FGF12: variants seen among roughly 807,000 people sequenced by gnomAD.
FGF12 encodes the protein fibroblast growth factor 12.
Under a neutral mutation model 23.6 loss-of-function variants are expected in FGF12, and 14 were observed. That is an observed-to-expected ratio of 0.59 (90% CI 0.39 to 0.93). FGF12 has a LOEUF of 0.93. Among genes scored for constraint, FGF12 ranks in the 40% least tolerant of loss-of-function variants. The pLI is 0.00. For synonymous variants in FGF12, 62 were observed against 77.3 expected (o/e 0.80, Z 1.04); for missense variants, 175 against 217.8 (o/e 0.80, Z 1.24).
intron 5 of FGF12, among the ~76,000 whole-genome samples, chr3:192,146,053 A>G (rs961571703): frequency 9.2e-5 from 14 of 152,226 alleles, no homozygotes; most frequent in Admixed American, 9.2e-4. Context: ...CTGGAACACT[A>G]TTCATATGAT....
intron 2 of FGF12, among the ~76,000 whole-genome samples, chr3:192,389,533 C>T (rs1720204836): frequency 2.0e-5 from 3 of 152,108 alleles, no homozygotes; most frequent in Admixed American, 1.3e-4. Flanking sequence ...ACTAAACATT[C>T]CTAATCTTTA....
intron 2 of FGF12, among the ~76,000 whole-genome samples, chr3:192,389,430 CAAGGGGAAAGTTGGGA>C (rs1364683700): frequency 2.6e-5 from 4 of 152,210 alleles, no homozygotes; most frequent in Non-Finnish European, 5.9e-5. Context: ...AACACTTCCT[CAAGGGGAAAGTTGGGA>C]ACAGCATACG....
intron 2 of FGF12, among the ~76,000 whole-genome samples, chr3:192,416,330 A>C (rs2692700): frequency 0.43 from 65,074 of 151,922 alleles, 14,078 homozygotes; most frequent in East Asian, 0.6. Flanking sequence ...GTAAAATGTT[A>C]AGTACAAAGA....
At chr3:192,717,422 CT>C (rs1718899281) in intron 2 of FGF12, among the ~76,000 whole-genome samples, 1 of 152,154 alleles carries the variant, frequency 6.6e-6, no homozygotes, top group Non-Finnish European at 1.5e-5. Flanking sequence ...ATAGTAAAAG[CT>C]GCAAAAGCAT....
intron 2 of FGF12, among the ~76,000 whole-genome samples, chr3:192,438,003 A>G (rs1722080575): frequency 6.6e-6 from 1 of 152,188 alleles, no homozygotes; most frequent in Non-Finnish European, 1.5e-5. Flanking sequence ...TCCTTTCTAT[A>G]GTGATGAATC....
chr3:192,161,833 A>C (rs1714900288), intron 5 of FGF12, among the ~76,000 whole-genome samples: 1 of 152,134 alleles, frequency 6.6e-6, no homozygotes, highest in Admixed American at 6.6e-5. Flanking sequence ...TATTCTTGAC[A>C]GATCCTTTGA....
intron 5 of FGF12, among the ~76,000 whole-genome samples, chr3:192,148,403 C>G (rs1713846093): frequency 6.6e-6 from 1 of 152,102 alleles, no homozygotes. Context: ...CCAGAGTAGT[C>G]AAGTTCACAG....
At chr3:192,547,419 A>T (rs181827272) in intron 2 of FGF12, among the ~76,000 whole-genome samples, 2 of 152,336 alleles carry the variant, frequency 1.3e-5, no homozygotes, top group East Asian at 3.9e-4. Flanking sequence ...TTCTTTATAG[A>T]GTCTCTGCTT....
chr3:192,321,468 C>T (rs79721246), intron 4 of FGF12, among the ~76,000 whole-genome samples: 2,066 of 148,688 alleles, frequency 0.014, 47 homozygotes, highest in African/African-American at 0.047. Context: ...AGTACTACCC[C>T]TGATACCAAA....
intron 2 of FGF12, among the ~76,000 whole-genome samples, chr3:192,385,193 G>A (rs990247708): frequency 6.6e-6 from 1 of 152,054 alleles, no homozygotes; most frequent in Non-Finnish European, 1.5e-5. Context: ...ATCTCTTAAT[G>A]TGGAGTTCTG....
chr3:192,426,042 T>C (rs750349594), intron 2 of FGF12, among the ~76,000 whole-genome samples: 1 of 152,226 alleles, frequency 6.6e-6, no homozygotes, highest in Non-Finnish European at 1.5e-5. Context: ...CAAATGTTAT[T>C]GAAAAGTTAT....
chr3:192,601,961 A>G (rs34681191), intron 2 of FGF12, among the ~76,000 whole-genome samples: 23,141 of 152,156 alleles, frequency 0.15, 1,787 homozygotes, highest in Middle Eastern at 0.19. Flanking sequence ...GAATCCACAG[A>G]TGTAGCACCC....
chr3:192,724,279 T>G (rs1719140569), intron 2 of FGF12, among the ~76,000 whole-genome samples: 1 of 152,158 alleles, frequency 6.6e-6, no homozygotes, highest in African/African-American at 2.4e-5. Context: ...TCTAAAAAAT[T>G]TGTCTGCAAA....
At chr3:192,150,493 T>C (rs1713989294) in intron 5 of FGF12, among the ~76,000 whole-genome samples, 1 of 135,154 alleles carries the variant, frequency 7.4e-6, no homozygotes, top group Non-Finnish European at 1.6e-5. Flanking sequence ...GATTTTTGTA[T>C]AAGGTGTAAG....
intron 2 of FGF12, among the ~76,000 whole-genome samples, chr3:192,470,503 C>T (rs372789090): frequency 1.3e-5 from 2 of 152,312 alleles, no homozygotes; most frequent in East Asian, 3.9e-4. Context: ...ATTCTCCTGC[C>T]TCGGCCCCCC....
intron 2 of FGF12, among the ~76,000 whole-genome samples, chr3:192,596,669 C>T (rs963276463): frequency 1.3e-5 from 2 of 152,244 alleles, no homozygotes; most frequent in Non-Finnish European, 2.9e-5. Flanking sequence ...ATTAAAAATG[C>T]CATGAGGATT....
At chr3:192,354,239 T>C (rs181454179) in intron 3 of FGF12, among the ~76,000 whole-genome samples, 98 of 152,298 alleles carry the variant, frequency 6.4e-4, no homozygotes, top group Admixed American at 2.3e-3. Context: ...TCATAACTGA[T>C]AAGAACATAA....
At chr3:192,359,783 A>G in intron 3 of FGF12, among the ~76,000 whole-genome samples, 1 of 150,832 alleles carries the variant, frequency 6.6e-6, no homozygotes, top group African/African-American at 2.5e-5. Flanking sequence ...AATGCCCAGC[A>G]TTTTTATTTC....
intron 4 of FGF12, among the ~76,000 whole-genome samples, chr3:192,189,505 C>T (rs200012318): frequency 2.6e-5 from 4 of 152,176 alleles, no homozygotes; most frequent in East Asian, 1.9e-4. Context: ...CCTATCCTCC[C>T]GGTACTTCAG....
Sources: gnomAD v4.1 joint callset for allele counts (sites outside exome capture counted in the v4.1 genomes callset) on GRCh38, gnomAD v4.1.1 for gene constraint, MANE v1.5 for transcripts, NCBI Gene and HGNC (gene_info 2026-07-23, HGNC 2026-07-21) for gene names.